Variants in MED19 observed in about 807,000 individuals in gnomAD.
MED19 encodes the protein mediator complex subunit 19, also known as mediator of RNA polymerase II transcription subunit 19.
MED19 carries 4 observed loss-of-function variants against 19.9 expected under a neutral mutation model. The ratio of observed to expected loss-of-function variants is 0.20; its 90% CI spans 0.10 to 0.46. The LOEUF (loss-of-function observed/expected upper bound fraction) is 0.46, where lower values mean the gene tolerates loss of function less well. MED19 is among the 20% of genes least tolerant of loss of function. The pLI is 0.99. For synonymous variants in MED19, 139 were observed against 119.6 expected (o/e 1.16, Z -1.06); for missense variants, 303 against 318.7 (o/e 0.95, Z 0.38).
At chr11:57,712,079 G>A in exon 1 of MED19, 3 of 1,530,734 alleles carry the variant, frequency 2.0e-6, no homozygotes, top group Non-Finnish European at 2.6e-6. Flanking sequence ...GCCCGCAGGA[G>A]GCGGTGGCGG....
At position 57,708,183 on chromosome 11, in the gene MED19, A is replaced by T. The variant is rs115709163; in HGVS notation, c.218-2954T>A. Among the ~76,000 whole-genome samples the T allele has an allele frequency of 1.1e-3, 173 of 152,006 alleles. 1 individual carries two copies. Among genetic ancestry groups the T allele is most frequent in the African/African-American group, 4.1e-3 (169 of 41,464 alleles). ...TGAAATTCCAAATCTTGCCAACATC[A>T]CTCAGGGCTTCTCTATTTCAATCCA... On this transcript the variant is annotated intron_variant, in intron 1 of 4. Transcript: ENST00000431606.
At position 57,704,936 on chromosome 11, in the gene MED19, GCCTCCCCATTTGCCTTCTT is replaced by G. The variant is rs1946490090; in HGVS notation, c.474+18_474+36del. ...AGAGAAAAACCATCTCCATGTTTAG[GCCTCCCCATTTGCCTTCTT>G]CCTCCAACAGGACTCACCGGGCCAG... On this transcript the variant is annotated intron_variant, in intron 2 of 4. Transcript: ENST00000431606. 6.8e-6 allele frequency: 11 copies of G among 1,606,276 alleles called. No individual in the cohort carries two copies. The highest frequency in any genetic ancestry group is 9.4e-6 in the Non-Finnish European group (11 of 1,176,392).
At chr11:57,706,335 G>T (rs1352470726) in intron 1 of MED19, among the ~76,000 whole-genome samples, 1 of 152,004 alleles carries the variant, frequency 6.6e-6, no homozygotes, top group Non-Finnish European at 1.5e-5. Flanking sequence ...GTAGAGAAGG[G>T]GGTTCACCAT....
At chr11:57,710,529 T>C (rs1946554937) in intron 1 of MED19, among the ~76,000 whole-genome samples, 3 of 152,244 alleles carry the variant, frequency 2.0e-5, no homozygotes, top group Admixed American at 2.0e-4. Context: ...TCAGATATTC[T>C]AAGCTTTTTC....
intron 1 of MED19, among the ~76,000 whole-genome samples, chr11:57,705,933 T>C (rs1372880057): frequency 1.3e-5 from 2 of 151,930 alleles, no homozygotes; most frequent in African/African-American, 4.8e-5. Context: ...ACCTTGCAGC[T>C]CAGCTACAAC....
chr11:57,704,280 T>C (rs559312167), intron 4 of MED19, 22 bp downstream of exon 4: 3 of 1,532,198 alleles, frequency 2.0e-6, no homozygotes, highest in African/African-American at 2.8e-5. Context: ...CACTGGGTTG[T>C]GGCAATAGGC....
rs34198151 is a variant in MED19 at position 57,704,669 on chromosome 11, G to GTTTTTTTT, written c.571+42_571+49dup. 1,716 of 1,285,868 alleles carry GTTTTTTTT rather than the reference G, an allele frequency of 1.3e-3. 1 individual carries two copies. Among genetic ancestry groups the GTTTTTTTT allele is most frequent in the South Asian group, 2.2e-3 (158 of 70,422 alleles). The allele number at this position is 1,285,868 out of a possible 1,614,324, so 79.7% of individuals were successfully genotyped here. A position where few individuals can be genotyped will look rare whatever the true frequency, so the allele number is the denominator to read the frequency against. ...GTTCAAACCAGATTCAGAAGGTCAGGTTTTTTTTTTTTTTTTTTTTTTTTT... is the reference window on the plus strand; with the variant it reads ...GTTCAAACCAGATTCAGAAGGTCAGGTTTTTTTTTTTTTTTTTTTTTTTTTTTTTTTTT... On this transcript the variant is annotated intron_variant, in intron 3 of 4. Transcript: ENST00000431606.
chr11:57,710,376 T>C (rs1946552498), intron 1 of MED19, among the ~76,000 whole-genome samples: 1 of 152,200 alleles, frequency 6.6e-6, no homozygotes, highest in Non-Finnish European at 1.5e-5. Flanking sequence ...AAAAAATTTT[T>C]TAAATGGCTT....
At chr11:57,706,628 G>C (rs2135416146) in intron 1 of MED19, among the ~76,000 whole-genome samples, 1 of 151,798 alleles carries the variant, frequency 6.6e-6, no homozygotes, top group East Asian at 2.0e-4. Flanking sequence ...AAAATTAGCT[G>C]GACAGTAGTG....
In MED19 at chr11:57,712,087, CG is replaced by C. The variant is rs1364588950; in HGVS notation, c.92del (p.Pro31ArgfsTer38). Reference sequence around the variant, plus strand: ...GTCCCCCGCCCGCAGGAGGCGGTGGCGGGGGTGGAGGCTTTCCTGGTCCGAA... The same window carrying C: ...GTCCCCCGCCCGCAGGAGGCGGTGGCGGGGTGGAGGCTTTCCTGGTCCGAA... On this transcript the variant is annotated frameshift_variant, in exon 1 of 5. Coordinates refer to ENST00000431606, the Ensembl canonical transcript of MED19. LOFTEE classifies it high-confidence loss of function. The C allele has an allele frequency of 1.3e-6, 2 of 1,529,016 alleles. No individual in the cohort carries two copies. The highest frequency in any genetic ancestry group is 8.8e-7 in the Non-Finnish European group (1 of 1,136,974). The allele number at this position is 1,529,016 out of a possible 1,614,324, so 94.7% of individuals were successfully genotyped here. A position where few individuals can be genotyped will look rare whatever the true frequency, so the allele number is the denominator to read the frequency against.
chr11:57,711,620 T>C (rs760461579), intron 1 of MED19, among the ~76,000 whole-genome samples: 11 of 152,198 alleles, frequency 7.2e-5, no homozygotes, highest in Non-Finnish European at 1.5e-4. Flanking sequence ...TCCCAGAGTG[T>C]TGGGATTACA....
chr11:57,706,981 T>A (rs559130283), intron 1 of MED19, among the ~76,000 whole-genome samples: 6 of 152,242 alleles, frequency 3.9e-5, no homozygotes, highest in African/African-American at 1.2e-4. Flanking sequence ...GCAGATCACC[T>A]GAGGTCAGGA....
At chr11:57,704,451 A>C in intron 3 of MED19, 55 bp from the exon 4 acceptor site, 1 of 1,455,288 alleles carries the variant, frequency 6.9e-7, no homozygotes, top group Non-Finnish European at 9.0e-7. Flanking sequence ...CTCTACTGTT[A>C]TGAACCACTG....
chr11:57,704,825 C>G lies in MED19; in HGVS notation c.475-10G>C. 1 of 1,613,424 alleles carries G rather than the reference C, an allele frequency of 6.2e-7. No homozygotes were observed. The highest frequency in any genetic ancestry group is 1.1e-5 in the South Asian group (1 of 91,044). ...GACACTGCTCCGGCAACTGAAGGAACCAAAGGAAGGTCCAGGTGAGTAGAG... is the reference window on the plus strand; with the variant it reads ...GACACTGCTCCGGCAACTGAAGGAAGCAAAGGAAGGTCCAGGTGAGTAGAG... On this transcript the variant is annotated splice_polypyrimidine_tract_variant and intron_variant, in intron 2 of 4. Transcript: ENST00000431606.
chr11:57,704,232 C>G, intron 4 of MED19, 70 bp downstream of exon 4: 2 of 1,528,350 alleles, frequency 1.3e-6, no homozygotes, highest in Non-Finnish European at 1.7e-6. Context: ...GCAAAGAACT[C>G]TAGGGTATTT....
At chr11:57,711,867 A>C in intron 1 of MED19, 96 bp downstream of exon 1, 1 of 1,323,354 alleles carries the variant, frequency 7.6e-7, no homozygotes, top group Admixed American at 3.5e-5. Flanking sequence ...TGCGTTGCCT[A>C]GGTTACCTCG....
chr11:57,703,784 A>G (rs918068690), exon 5 of MED19: 32 of 455,480 alleles, frequency 7.0e-5, no homozygotes, highest in African/African-American at 3.7e-4. Flanking sequence ...AATTGCACAA[A>G]AGAGAGAGAA....
intron 1 of MED19, among the ~76,000 whole-genome samples, chr11:57,708,715 G>A (rs578227018): frequency 1.3e-5 from 2 of 152,166 alleles, no homozygotes; most frequent in Admixed American, 6.5e-5. Context: ...GCAATGACCA[G>A]CATTACTAAT....
At chr11:57,712,136 G>A in exon 1 of MED19, 6 of 1,532,362 alleles carry the variant, frequency 3.9e-6, no homozygotes, top group African/African-American at 1.4e-5. Context: ...TGGGGGCGGT[G>A]GTGGGTCAGC....
Sources: gnomAD v4.1 joint callset for allele counts (sites outside exome capture counted in the v4.1 genomes callset) on GRCh38, gnomAD v4.1.1 for gene constraint, MANE v1.5 for transcripts, NCBI Gene and HGNC (gene_info 2026-07-23, HGNC 2026-07-21) for gene names.